Variants in CACNB2 observed in about 807,000 individuals in gnomAD.
The protein encoded by CACNB2 is voltage-dependent L-type calcium channel subunit beta-2.
In CACNB2, 42 loss-of-function variants were observed where a neutral mutation model predicts 73.3. The ratio of observed to expected loss-of-function variants is 0.57; its 90% CI spans 0.45 to 0.74. The LOEUF (loss-of-function observed/expected upper bound fraction) is 0.74, where lower values mean the gene tolerates loss of function less well. Among genes scored for constraint, CACNB2 ranks in the 30% least tolerant of loss-of-function variants. The pLI, the probability that CACNB2 is intolerant of heterozygous loss-of-function variation, is 0.00. For synonymous variants in CACNB2, 348 were observed against 310.3 expected, an observed-to-expected ratio of 1.12 and a Z score of -1.28; for missense variants, 940 against 853.0, an observed-to-expected ratio of 1.10 and a Z score of -1.27.
At chr10:18,281,723 C>T (rs1302965433) in intron 2 of CACNB2, among the ~76,000 whole-genome samples, 1 of 151,936 alleles carries the variant, frequency 6.6e-6, no homozygotes, top group Non-Finnish European at 1.5e-5. Flanking sequence ...AATAAAGGAA[C>T]ATTATAGCAC....
chr10:18,154,833 G>C lies in CACNB2; in HGVS notation c.213+3858G>C, dbSNP rs1049808228. 5.3e-5 allele frequency among the ~76,000 whole-genome samples: 8 copies of C among 152,164 alleles called. No homozygotes were observed. The South Asian group carries it at 1.7e-3, about 31-fold the overall frequency. ...GCACACAGAGAAAAGGTCATGTGAG[G>C]ACACAGTGAGGAGGCAGCAGTCCGC... On this transcript the variant is annotated intron_variant, in intron 2 of 13. Transcript: ENST00000324631.
chr10:18,488,195 G>T (rs2132908603), intron 3 of CACNB2, among the ~76,000 whole-genome samples: 1 of 151,916 alleles, frequency 6.6e-6, no homozygotes, highest in Admixed American at 6.5e-5. Context: ...AATGATTTGT[G>T]CCGGGAACTG....
rs539917075 is a variant in CACNB2, at chr10:18,510,546, A to G, written c.671-3690A>G. 2.6e-5 allele frequency among the ~76,000 whole-genome samples: 4 copies of G among 152,224 alleles called. No homozygotes were observed. The South Asian group carries it at 8.3e-4, about 32-fold the overall frequency. The stretch of plus-strand genomic sequence containing the variant: ...TCGAATTCCTGACCTCAAGTGATCC[A>G]CCCACCATGGCTTCCCAAACTGCTG... On this transcript the variant is annotated intron_variant, in intron 6 of 13. Transcript: ENST00000324631.
intron 2 of CACNB2, among the ~76,000 whole-genome samples, chr10:18,248,664 C>T (rs984297074): frequency 5.9e-5 from 9 of 152,148 alleles, no homozygotes; most frequent in South Asian, 4.1e-4. Context: ...TGGACATATC[C>T]AATATCACTC....
At chr10:18,487,019 G>A (rs566005022) in intron 3 of CACNB2, among the ~76,000 whole-genome samples, 1 of 152,278 alleles carries the variant, frequency 6.6e-6, no homozygotes, top group African/African-American at 2.4e-5. Context: ...ATGGTGAAAC[G>A]CATGGGGTTT....
intron 3 of CACNB2, among the ~76,000 whole-genome samples, chr10:18,481,205 TATATATATATATATATATATATATA>T (rs374533964): frequency 0.16 from 1,927 of 11,732 alleles, 99 homozygotes; most frequent in African/African-American, 0.24. Context: ...TATATATATA[TATATATATATATATATATATATATA>T]TTTTTTTTTT....
chr10:18,381,763 T>A (rs190877167), intron 2 of CACNB2, among the ~76,000 whole-genome samples: 1 of 151,820 alleles, frequency 6.6e-6, no homozygotes, highest in East Asian at 1.9e-4. Context: ...AGGGATAGGA[T>A]TGTATTAATG....
chr10:18,213,590 C>A (rs1418454904), intron 2 of CACNB2, among the ~76,000 whole-genome samples: 1 of 152,206 alleles, frequency 6.6e-6, no homozygotes, highest in South Asian at 2.1e-4. Context: ...TTCTGCAAAC[C>A]AAAGCACTTT....
At chr10:18,283,145 G>A (rs2038626891) in intron 2 of CACNB2, among the ~76,000 whole-genome samples, 1 of 152,168 alleles carries the variant, frequency 6.6e-6, no homozygotes, top group Admixed American at 6.5e-5. Context: ...CAGTTAGATG[G>A]CAATCATTAA....
intron 3 of CACNB2, among the ~76,000 whole-genome samples, chr10:18,442,919 T>C (rs1589369974): frequency 1.1e-5 from 1 of 88,752 alleles, no homozygotes; most frequent in Non-Finnish European, 1.9e-5. Flanking sequence ...AATATATATA[T>C]ATATATGTAT....
intron 10 of CACNB2, among the ~76,000 whole-genome samples, chr10:18,531,552 G>A (rs2053031594): frequency 6.6e-6 from 1 of 152,138 alleles, no homozygotes; most frequent in African/African-American, 2.4e-5. Context: ...TGGGTCAAAT[G>A]GTATTCCTAT....
intron 13 of CACNB2, 122 bp from the exon 14 acceptor site, chr10:18,539,108 G>C: frequency 8.1e-7 from 1 of 1,229,328 alleles, no homozygotes; most frequent in East Asian, 2.3e-5. Context: ...ATGAAGCTAG[G>C]TTAGACTTCA....
At chr10:18,515,189 C>G in intron 7 of CACNB2, 2 of 709,562 alleles carry the variant, frequency 2.8e-6, no homozygotes, top group Non-Finnish European at 2.6e-6. Context: ...TGCTACACAG[C>G]GAGGCTCCTT....
chr10:18,513,438 C>T (rs547283328), intron 6 of CACNB2: 1 of 214,482 alleles, frequency 4.7e-6, no homozygotes, highest in South Asian at 7.7e-5. Flanking sequence ...CTTGAGTAGT[C>T]GCTGTCAACT....
chr10:18,225,346 C>T (rs576681082), intron 2 of CACNB2, among the ~76,000 whole-genome samples: 8 of 152,162 alleles, frequency 5.3e-5, no homozygotes, highest in African/African-American at 1.9e-4. Flanking sequence ...GCAAACTTTT[C>T]GTAGGTCACC....
intron 3 of CACNB2, among the ~76,000 whole-genome samples, chr10:18,488,691 T>C (rs1432431449): frequency 1.3e-5 from 2 of 151,998 alleles, no homozygotes; most frequent in Non-Finnish European, 2.9e-5. Flanking sequence ...TACCAACCAA[T>C]TTTTAGCATT....
At chr10:18,316,604 C>A (rs2040196067) in intron 2 of CACNB2, among the ~76,000 whole-genome samples, 1 of 152,006 alleles carries the variant, frequency 6.6e-6, no homozygotes, top group Non-Finnish European at 1.5e-5. Context: ...GCTAGGACTA[C>A]AGATACATGG....
intron 2 of CACNB2, among the ~76,000 whole-genome samples, chr10:18,305,209 A>G (rs1226091217): frequency 2.0e-5 from 3 of 152,242 alleles, no homozygotes; most frequent in African/African-American, 2.4e-5. Context: ...CATGGACAGT[A>G]AATGCTATGA....
At chr10:18,469,044 G>A (rs1027952190) in intron 3 of CACNB2, among the ~76,000 whole-genome samples, 3 of 152,132 alleles carry the variant, frequency 2.0e-5, no homozygotes, top group Non-Finnish European at 2.9e-5. Context: ...ACCCAGGAGT[G>A]CAAAAGCAGC....
Sources: gnomAD v4.1 joint callset for allele counts (sites outside exome capture counted in the v4.1 genomes callset) on GRCh38, gnomAD v4.1.1 for gene constraint, MANE v1.5 for transcripts, NCBI Gene and HGNC (gene_info 2026-07-23, HGNC 2026-07-21) for gene names.